The following DHRS3 variants were observed in gnomAD, a reference collection of about 807,000 sequenced individuals.
The protein encoded by DHRS3 is short-chain dehydrogenase/reductase 3.
Under a neutral mutation model 27.2 loss-of-function variants are expected in DHRS3, and 14 were observed. The ratio of observed to expected loss-of-function variants is 0.52; its 90% confidence interval spans 0.34 to 0.81. DHRS3 has a LOEUF of 0.81. Among genes scored for constraint, DHRS3 ranks in the 30% least tolerant of loss-of-function variants. DHRS3 has a pLI of 0.01. For synonymous variants in DHRS3, 165 were observed against 175.9 expected (o/e 0.94, Z 0.49); for missense variants, 322 against 406.2 (o/e 0.79, Z 1.78).
chr1:12,583,592 T>A (rs1282116657), intron 1 of DHRS3, among the ~76,000 whole-genome samples: 1 of 54,324 alleles, frequency 1.8e-5, no homozygotes, highest in Non-Finnish European at 4.0e-5. Context: ...CACCTACTTA[T>A]CCATCCATCC....
At position 12,574,614 on chromosome 1, in the gene DHRS3, C is replaced by T. The variant is rs944651550; in HGVS notation, c.699-1761G>A. Among the ~76,000 whole-genome samples the T allele has an allele frequency of 2.0e-5, 3 of 152,212 alleles. No homozygotes were observed. Among genetic ancestry groups the T allele is most frequent in the Non-Finnish European group, 4.4e-5 (3 of 68,040 alleles). ...GCGGTCTGGATTCTCTGGCTTCCAC[C>T]TGTGGCCTGGCCTGTCTCTTGGGAA... On this transcript the variant is annotated intron_variant, in intron 4 of 5. Transcript: ENST00000616661. The surrounding 1 kb of genome is among the most constrained non-coding windows in gnomAD (Gnocchi z 4.6).
Position 12,586,118 on chromosome 1 carries a change from C to A in DHRS3, c.196-5452G>T, listed in dbSNP as rs74550971. 0.035 allele frequency among the ~76,000 whole-genome samples: 5,277 copies of A among 152,268 alleles called. 144 individuals are homozygous for A. Among genetic ancestry groups the A allele is most frequent in the South Asian group, 0.05 (240 of 4,830 alleles). The stretch of plus-strand genomic sequence containing the variant: ...GAGAAAGACCTCTGGTCTCCGGGGC[C>A]CCGGGCTGTCCTGCCCTTGCCCAGA... On this transcript the variant is annotated intron_variant, in intron 1 of 5. Coordinates refer to ENST00000616661, the MANE Select transcript of DHRS3 (RefSeq NM_004753.7). The surrounding 1 kb of genome is among the most constrained non-coding windows in gnomAD (Gnocchi z 5.0).
chr1:12,587,438 CACTGGAAGTCA>C lies in DHRS3; in HGVS notation c.196-6783_196-6773del, dbSNP rs1285593442. ...GGATTACAGGCATAAGCCACCAGGTCACTGGAAGTCAACAGGCTACACAGAGATGGGTGTCT... is the reference window on the plus strand; with the variant it reads ...GGATTACAGGCATAAGCCACCAGGTCACAGGCTACACAGAGATGGGTGTCT... On this transcript the variant is annotated intron_variant, in intron 1 of 5. Transcript: ENST00000616661. Among the ~76,000 whole-genome samples the C allele has an allele frequency of 3.9e-5, 6 of 152,250 alleles. No individual in the cohort carries two copies. In the East Asian group the frequency reaches 1.2e-3, roughly 29 times the overall value.
At chr1:12,610,355 G>A (rs1160321251) in intron 1 of DHRS3, among the ~76,000 whole-genome samples, 1 of 151,826 alleles carries the variant, frequency 6.6e-6, no homozygotes, top group East Asian at 1.9e-4. Flanking sequence ...GCCTCCTAAA[G>A]TGCTGGGATT....
intron 5 of DHRS3, chr1:12,570,194 G>T (rs561636537): frequency 6.6e-6 from 1 of 151,034 alleles, no homozygotes; most frequent in South Asian, 2.1e-4. Flanking sequence ...GTTCGATTTG[G>T]GTGTCACATC....
chr1:12,610,816 T>C lies in DHRS3; in HGVS notation c.195+6338A>G, dbSNP rs1023169064. On this transcript the variant is annotated intron_variant, in intron 1 of 5. Transcript: ENST00000616661. ...CAAGTATCTTATGGACTTATATTTT[T>C]GGATTGTGTCTCCTGAAGACAACGG... is the stretch of plus-strand genomic sequence containing the variant. 1.3e-5 allele frequency among the ~76,000 whole-genome samples: 2 copies of C among 152,226 alleles called. 1 individual carries two copies. The highest frequency in any genetic ancestry group is 1.3e-4 in the Admixed American group (2 of 15,286).
intron 1 of DHRS3, chr1:12,596,082 GT>G (rs1646794638): frequency 6.6e-6 from 1 of 152,438 alleles, no homozygotes; most frequent in African/African-American, 2.4e-5. Flanking sequence ...CCGGCCCGAG[GT>G]TACCCCAGCT....
At chr1:12,601,625 G>T (rs1646836254) in intron 1 of DHRS3, among the ~76,000 whole-genome samples, 1 of 152,146 alleles carries the variant, frequency 6.6e-6, no homozygotes, top group Non-Finnish European at 1.5e-5. Flanking sequence ...AGGTGATGTT[G>T]TTTGACCCAT....
intron 5 of DHRS3, chr1:12,570,035 C>T (rs1023242471): frequency 2.6e-5 from 4 of 152,292 alleles, no homozygotes; most frequent in South Asian, 4.1e-4. Context: ...TGCTCCTTGT[C>T]GAGGGGAGTG....
In DHRS3 at chr1:12,609,959, CCTT is replaced by C. The variant is rs139909809; in HGVS notation, c.195+7192_195+7194del. Among the ~76,000 whole-genome samples, 803 of 152,308 alleles carry C rather than the reference CCTT, an allele frequency of 5.3e-3. 6 individuals carry two copies. The highest frequency in any genetic ancestry group is 0.019 in the African/African-American group (777 of 41,572). On this transcript the variant is annotated intron_variant, in intron 1 of 5. Transcript: ENST00000616661. ...CTCCTTCAGGTCTTTCCTCGTGTCT[CCTT>C]CTCAGTGTGGCCTTCCTTATACCCT...
Position 12,573,397 on chromosome 1 carries a change from C to A in DHRS3, c.699-544G>T, listed in dbSNP as rs186692848. Among the ~76,000 whole-genome samples the A allele has an allele frequency of 1.8e-3, 269 of 152,356 alleles. 1 individual carries two copies. Among genetic ancestry groups the A allele is most frequent in the African/African-American group, 6.2e-3 (256 of 41,588 alleles). On this transcript the variant is annotated intron_variant, in intron 4 of 5. Transcript: ENST00000616661. ...ACCGCGTTCACCCCACCTAGGAAGA[C>A]CTTGCTTTTTGGGTTGTTTCCTTGT... is the stretch of plus-strand genomic sequence containing the variant.
chr1:12,614,859 GT>G (rs1646934185), intron 1 of DHRS3, among the ~76,000 whole-genome samples: 1 of 152,158 alleles, frequency 6.6e-6, no homozygotes, highest in Non-Finnish European at 1.5e-5. Context: ...GAGAAGGGAT[GT>G]CATCTGTGGT....
At chr1:12,581,442 C>T (rs72871188) in intron 1 of DHRS3, among the ~76,000 whole-genome samples, 1,674 of 152,238 alleles carry the variant, frequency 0.011, 39 homozygotes, top group African/African-American at 0.039. Context: ...GGAGCTAAGC[C>T]GAGCCTCCCA....
At chr1:12,581,521 C>G (rs1243761537) in intron 1 of DHRS3, among the ~76,000 whole-genome samples, 1 of 152,186 alleles carries the variant, frequency 6.6e-6, no homozygotes, top group Non-Finnish European at 1.5e-5. Context: ...GAGAAGGAAG[C>G]ATGGCCTCAC....
intron 1 of DHRS3, among the ~76,000 whole-genome samples, chr1:12,615,280 C>T (rs1410401917): frequency 6.6e-6 from 1 of 152,168 alleles, no homozygotes; most frequent in African/African-American, 2.4e-5. Context: ...GATGACTGAA[C>T]CGAGCATGAA....
chr1:12,610,208 A>G (rs1170734815), intron 1 of DHRS3, among the ~76,000 whole-genome samples: 1 of 151,502 alleles, frequency 6.6e-6, no homozygotes, highest in Non-Finnish European at 1.5e-5. Flanking sequence ...ACTCCCAAGT[A>G]GCTGGGATTA....
intron 1 of DHRS3, 44 bp downstream of exon 1, chr1:12,617,110 C>T: frequency 6.3e-7 from 1 of 1,575,406 alleles, no homozygotes. Context: ...GGCTTACCCC[C>T]GCCCCTGCGG....
chr1:12,611,658 T>C (rs1646910091), intron 1 of DHRS3, among the ~76,000 whole-genome samples: 1 of 152,100 alleles, frequency 6.6e-6, no homozygotes, highest in African/African-American at 2.4e-5. Context: ...TGGCAATCCG[T>C]TGCTTTCTTG....
chr1:12,610,714 C>T (rs995640139), intron 1 of DHRS3, among the ~76,000 whole-genome samples: 1 of 152,202 alleles, frequency 6.6e-6, no homozygotes, highest in East Asian at 1.9e-4. Flanking sequence ...TAAATAGACT[C>T]ACTTTTCTCA....
Sources: gnomAD v4.1 joint callset for allele counts (sites outside exome capture counted in the v4.1 genomes callset) on GRCh38, gnomAD v4.1.1 for gene constraint, Gnocchi (gnomAD v3.1) non-coding constraint, MANE v1.5 for transcripts, NCBI Gene and HGNC (gene_info 2026-07-23, HGNC 2026-07-21) for gene names.